The following UXS1 variants were observed in gnomAD, a reference collection of about 807,000 sequenced individuals.
UXS1 encodes UDP-glucuronic acid decarboxylase 1.
UXS1 carries 33 observed loss-of-function variants against 62.6 expected under a neutral mutation model. That is an observed-to-expected ratio of 0.53 (90% CI 0.40 to 0.70). UXS1 has a LOEUF of 0.70. Among genes scored for constraint, UXS1 ranks in the 30% least tolerant of loss-of-function variants. UXS1 has a pLI of 0.00. For missense variants in UXS1, 434 were observed against 556.3 expected (o/e 0.78, Z 2.21); for synonymous variants, 213 against 206.8 (o/e 1.03, Z -0.26).
intron 7 of UXS1, among the ~76,000 whole-genome samples, chr2:106,126,715 G>A (rs1324700860): frequency 2.0e-5 from 3 of 152,040 alleles, no homozygotes; most frequent in Non-Finnish European, 4.4e-5. Context: ...GTAGTATAGG[G>A]ACCTTATGTA....
intron 5 of UXS1, among the ~76,000 whole-genome samples, chr2:106,149,086 T>C (rs1033468190): frequency 1.3e-5 from 2 of 152,312 alleles, no homozygotes; most frequent in East Asian, 1.9e-4. Context: ...GTCCTAAGGC[T>C]TACCAATTTA....
chr2:106,155,811 G>A (rs2105031698), intron 5 of UXS1, among the ~76,000 whole-genome samples: 1 of 152,224 alleles, frequency 6.6e-6, no homozygotes, highest in South Asian at 2.1e-4. Context: ...AATTCAATGG[G>A]CAATGAATAG....
chr2:106,148,810 G>C lies in UXS1; in HGVS notation c.292-3440C>G, dbSNP rs899406836. On this transcript the variant is annotated intron_variant, in intron 5 of 14. Transcript: ENST00000283148. ...ATCACCAAACCCAAGGATATTCTTTGAATAACAAGGAGCTAATACCCAAAA... is the reference window on the plus strand; with the variant it reads ...ATCACCAAACCCAAGGATATTCTTTCAATAACAAGGAGCTAATACCCAAAA... 2.0e-5 allele frequency among the ~76,000 whole-genome samples: 3 copies of C among 152,132 alleles called. No individual in the cohort carries two copies. In the South Asian group the frequency reaches 6.2e-4, roughly 32 times the overall value.
In UXS1 at chr2:106,101,163, T is replaced by C. The variant is rs753213591; in HGVS notation, c.924-45A>G. 5 of 1,609,558 alleles carry C rather than the reference T, an allele frequency of 3.1e-6. No homozygotes were observed. In the Admixed American group the frequency reaches 5.0e-5, roughly 16 times the overall value. On this transcript the variant is annotated intron_variant, in intron 11 of 14. Transcript: ENST00000283148. ...AGGTGAGGCTCTGCCTGCTGGAATATGCTAGTGCCACGCACCACATAGAAG... is the reference window on the plus strand; with the variant it reads ...AGGTGAGGCTCTGCCTGCTGGAATACGCTAGTGCCACGCACCACATAGAAG...
At chr2:106,192,549 C>G (rs80002368) in intron 1 of UXS1, among the ~76,000 whole-genome samples, 2 of 69,234 alleles carry the variant, frequency 2.9e-5, no homozygotes, top group African/African-American at 1.0e-4. Flanking sequence ...GAGCGAGACT[C>G]CGTCTCAAAA....
chr2:106,181,180 G>A (rs570532484), intron 1 of UXS1, among the ~76,000 whole-genome samples: 27 of 152,270 alleles, frequency 1.8e-4, no homozygotes, highest in Non-Finnish European at 3.1e-4. Context: ...TGTCACCAGT[G>A]AGGCTAAGCA....
At chr2:106,159,421 T>C (rs907497351) in intron 4 of UXS1, 1 of 152,284 alleles carries the variant, frequency 6.6e-6, no homozygotes, top group Non-Finnish European at 1.5e-5. Flanking sequence ...TCTGTCTCTG[T>C]GGATCTGCTC....
At chr2:106,171,690 G>A (rs1342618816) in intron 1 of UXS1, among the ~76,000 whole-genome samples, 1 of 152,230 alleles carries the variant, frequency 6.6e-6, no homozygotes, top group Non-Finnish European at 1.5e-5. Flanking sequence ...TTCAAGTAAT[G>A]TTACAAGGCT....
intron 10 of UXS1, among the ~76,000 whole-genome samples, chr2:106,109,650 G>C (rs1326640730): frequency 1.3e-5 from 2 of 152,156 alleles, no homozygotes; most frequent in East Asian, 1.9e-4. Context: ...TCTAATCTGA[G>C]ATGCAAACTT....
intron 4 of UXS1, among the ~76,000 whole-genome samples, chr2:106,162,524 T>C (rs1031761506): frequency 2.0e-5 from 3 of 152,190 alleles, no homozygotes; most frequent in Non-Finnish European, 2.9e-5. Context: ...TTTCTTATTG[T>C]TCCAATTTTT....
Position 106,138,738 on chromosome 2 carries a change from G to C in UXS1, c.472+6452C>G, listed in dbSNP as rs920160607. 1.8e-5 allele frequency: 18 copies of C among 985,314 alleles called. No homozygotes were observed. In the East Asian group the frequency reaches 1.8e-3, roughly 99 times the overall value. The allele number at this position is 985,314 out of a possible 1,614,324, so 61.0% of individuals were successfully genotyped here. Reference sequence around the variant, plus strand: ...GGCCGCCCCATCAGACTGTCGAGACGTTCAGTTAAGTAGCGGCACTGCTGC... The same window carrying C: ...GGCCGCCCCATCAGACTGTCGAGACCTTCAGTTAAGTAGCGGCACTGCTGC... On this transcript the variant is annotated intron_variant, in intron 6 of 14. Coordinates refer to ENST00000283148, the MANE Select transcript of UXS1 (RefSeq NM_001253875.2).
intron 1 of UXS1, among the ~76,000 whole-genome samples, chr2:106,172,115 G>C (rs1162976805): frequency 3.3e-5 from 5 of 152,254 alleles, no homozygotes; most frequent in African/African-American, 9.6e-5. Context: ...TTGCTTTACT[G>C]TCCAGAGGCG....
chr2:106,182,503 G>T (rs543951596), intron 1 of UXS1, among the ~76,000 whole-genome samples: 7 of 152,292 alleles, frequency 4.6e-5, no homozygotes, highest in Admixed American at 1.3e-4. Context: ...TCAAATGGGA[G>T]CTTAAAAAAT....
intron 14 of UXS1, among the ~76,000 whole-genome samples, chr2:106,096,400 T>C (rs533097570): frequency 1.3e-5 from 2 of 152,268 alleles, no homozygotes; most frequent in Admixed American, 1.3e-4. Context: ...TGGGAGACAG[T>C]GTGAGTATAT....
chr2:106,166,240 A>T, intron 1 of UXS1, 157 bp from the exon 2 acceptor site: 1 of 709,196 alleles, frequency 1.4e-6, no homozygotes, highest in Non-Finnish European at 2.3e-6. Flanking sequence ...AAAACAATTA[A>T]ATCTTACTAC....
intron 6 of UXS1, among the ~76,000 whole-genome samples, chr2:106,131,506 G>C (rs1680474461): frequency 1.1e-4 from 1 of 9,020 alleles, no homozygotes; most frequent in Non-Finnish European, 3.5e-4. Context: ...AAGTGTCCCT[G>C]TCTGACAGCT....
intron 11 of UXS1, 118 bp from the exon 12 acceptor site, chr2:106,101,236 A>C: frequency 9.7e-7 from 1 of 1,035,902 alleles, no homozygotes; most frequent in Non-Finnish European, 1.4e-6. Flanking sequence ...CAAAAACCCA[A>C]ATGGAAAATT....
At chr2:106,146,770 C>CT (rs1681607378) in intron 5 of UXS1, among the ~76,000 whole-genome samples, 1 of 32,526 alleles carries the variant, frequency 3.1e-5, no homozygotes, top group Non-Finnish European at 6.2e-5. Flanking sequence ...AAGACTCCAT[C>CT]TCAAAAAAAA....
At chr2:106,157,003 T>C (rs1682485827) in intron 5 of UXS1, among the ~76,000 whole-genome samples, 1 of 152,152 alleles carries the variant, frequency 6.6e-6, no homozygotes, top group Non-Finnish European at 1.5e-5. Flanking sequence ...AAAGGTCAAA[T>C]GTTGCATTAT....
Sources: gnomAD v4.1 joint callset for allele counts (sites outside exome capture counted in the v4.1 genomes callset) on GRCh38, gnomAD v4.1.1 for gene constraint, MANE v1.5 for transcripts, NCBI Gene and HGNC (gene_info 2026-07-23, HGNC 2026-07-21) for gene names.